The following GADL1 variants were observed in gnomAD, a reference collection of about 807,000 sequenced individuals.
The protein encoded by GADL1 is acidic amino acid decarboxylase GADL1.
GADL1 carries 71 observed loss-of-function variants against 69.5 expected under a neutral mutation model. That is an observed-to-expected ratio of 1.02 (90% CI 0.84 to 1.25). GADL1 has a LOEUF of 1.25. Ranked by LOEUF, GADL1 falls within the 50% of genes most tolerant of loss-of-function variation. The pLI is 0.00. For synonymous variants in GADL1, 254 were observed against 214.4 expected (o/e 1.18, Z -1.62); for missense variants, 737 against 631.8 (o/e 1.17, Z -1.79).
At chr3:30,865,972 G>A (rs563073299) in intron 1 of GADL1, among the ~76,000 whole-genome samples, 1 of 150,960 alleles carries the variant, frequency 6.6e-6, no homozygotes, top group East Asian at 2.0e-4. Context: ...TTTGTTCAGA[G>A]AGATACATTG....
At chr3:30,804,506 G>A (rs1169526616) in intron 11 of GADL1, among the ~76,000 whole-genome samples, 1 of 152,160 alleles carries the variant, frequency 6.6e-6, no homozygotes, top group Admixed American at 6.5e-5. Context: ...TTGCTAGTCA[G>A]TTTGGAAAGA....
intron 4 of GADL1, among the ~76,000 whole-genome samples, chr3:30,851,536 G>A (rs1212444761): frequency 2.0e-5 from 3 of 152,138 alleles, no homozygotes; most frequent in Non-Finnish European, 4.4e-5. Flanking sequence ...TGTTGCTCCG[G>A]GCTGGAACGC....
intron 12 of GADL1, among the ~76,000 whole-genome samples, chr3:30,794,563 T>C (rs957203213): frequency 1.3e-5 from 2 of 152,188 alleles, no homozygotes; most frequent in Admixed American, 1.3e-4. Flanking sequence ...AGGCTCTCAG[T>C]GTCACTGATT....
chr3:30,856,933 T>G, intron 3 of GADL1, 82 bp downstream of exon 3: 1 of 1,155,100 alleles, frequency 8.7e-7, no homozygotes, highest in African/African-American at 1.6e-5. Flanking sequence ...CCATAAGCAT[T>G]GCTATACTCA....
At chr3:30,870,270 T>C (rs909937129) in intron 1 of GADL1, among the ~76,000 whole-genome samples, 6 of 151,636 alleles carry the variant, frequency 4.0e-5, no homozygotes, top group African/African-American at 1.5e-4. Context: ...TTGGAAAAAA[T>C]GTTTCTGAAC....
At chr3:30,815,697 A>G (rs1323493333) in intron 11 of GADL1, among the ~76,000 whole-genome samples, 1 of 152,162 alleles carries the variant, frequency 6.6e-6, no homozygotes, top group Non-Finnish European at 1.5e-5. Context: ...CAGCATTACT[A>G]CTTCATTTTG....
intron 9 of GADL1, among the ~76,000 whole-genome samples, chr3:30,834,880 G>C (rs938557917): frequency 1.3e-5 from 2 of 152,100 alleles, no homozygotes; most frequent in Admixed American, 6.6e-5. Flanking sequence ...GGGGAGCTCA[G>C]ATAAAATCCC....
At chr3:30,770,252 C>G (rs1433007660) in intron 14 of GADL1, among the ~76,000 whole-genome samples, 3 of 152,192 alleles carry the variant, frequency 2.0e-5, no homozygotes, top group Non-Finnish European at 4.4e-5. Flanking sequence ...CAAATAAAAT[C>G]AGAGACACAG....
rs1204307116 is a variant in GADL1, at chr3:30,765,459, CAAT to C, written c.1392+12717_1392+12719del. ...TCATGCCTTATTTTGCTGAATGAAT[CAAT>C]AAATTATTTTCTATGCATCTACTAT... On this transcript the variant is annotated intron_variant, in intron 14 of 14. Transcript: ENST00000282538. Among the ~76,000 whole-genome samples the C allele has an allele frequency of 7.2e-5, 9 of 124,140 alleles. No individual in the cohort carries two copies. In the South Asian group the frequency reaches 1.7e-3, roughly 24 times the overall value. 81.4% of individuals were successfully genotyped at this position (124,140 alleles called of 152,430 possible).
At chr3:30,813,983 G>A (rs1196574134) in intron 11 of GADL1, among the ~76,000 whole-genome samples, 1 of 152,198 alleles carries the variant, frequency 6.6e-6, no homozygotes, top group Non-Finnish European at 1.5e-5. Context: ...GGCAGAAAGA[G>A]CCTGTGCATT....
chr3:30,851,203 G>T lies in GADL1; in HGVS notation c.429-262C>A, dbSNP rs184173439. Among the ~76,000 whole-genome samples, 4 of 152,296 alleles carry T rather than the reference G, an allele frequency of 2.6e-5. No individual in the cohort carries two copies. In the East Asian group the frequency reaches 7.7e-4, roughly 29 times the overall value. On this transcript the variant is annotated intron_variant, in intron 4 of 14. Coordinates refer to ENST00000282538, the MANE Select transcript of GADL1 (RefSeq NM_207359.3). ...GAGAAAAACCTCAATTCCGTGAGGA[G>T]CAATAAAGGCAATGCATTTGCGTGC...
chr3:30,877,270 A>G (rs949813643), intron 1 of GADL1, among the ~76,000 whole-genome samples: 1 of 151,914 alleles, frequency 6.6e-6, no homozygotes, highest in Admixed American at 6.6e-5. Context: ...CACCAGAAAG[A>G]TTGAACTAAC....
chr3:30,887,259 C>T (rs964109211), intron 1 of GADL1, among the ~76,000 whole-genome samples: 32 of 152,264 alleles, frequency 2.1e-4, no homozygotes, highest in Admixed American at 1.6e-3. Context: ...GTTTGAATGT[C>T]CCCTCCAAAA....
chr3:30,866,916 A>G (rs1575241074), intron 1 of GADL1, among the ~76,000 whole-genome samples: 1 of 152,178 alleles, frequency 6.6e-6, no homozygotes, highest in Middle Eastern at 3.4e-3. Context: ...GGCTGACTGT[A>G]TATTTACTTT....
intron 11 of GADL1, among the ~76,000 whole-genome samples, chr3:30,828,797 T>C (rs1282148453): frequency 6.6e-6 from 1 of 151,936 alleles, no homozygotes; most frequent in Non-Finnish European, 1.5e-5. Flanking sequence ...ACATATATAC[T>C]CTACTCTGCT....
intron 2 of GADL1, 69 bp from the exon 3 acceptor site, chr3:30,857,210 T>C: frequency 7.4e-7 from 1 of 1,353,916 alleles, no homozygotes; most frequent in Non-Finnish European, 1.0e-6. Flanking sequence ...GTTACAAACG[T>C]GGACTCTACC....
chr3:30,787,308 A>C (rs1029592658), intron 12 of GADL1, among the ~76,000 whole-genome samples: 11 of 152,178 alleles, frequency 7.2e-5, no homozygotes, highest in African/African-American at 2.4e-4. Context: ...ACCTAAGTAA[A>C]GGGCATAGAT....
chr3:30,894,267 C>A (rs900581430), intron 1 of GADL1, among the ~76,000 whole-genome samples: 1 of 152,210 alleles, frequency 6.6e-6, no homozygotes, highest in South Asian at 2.1e-4. Flanking sequence ...CAGGTACTTC[C>A]AATCTAACTA....
chr3:30,778,215 C>T lies in GADL1; in HGVS notation c.1356G>A (p.Met452Ile). ...TTGCCCAGAACTCGGGTCCTTCTTC[C>T]ATCTCTCTGAGGCTCGGTGGAATGT... ...FWYIPPSLRE[M>I]EEGPEFWAKL... is the part of the protein sequence containing the mutation. The change falls in exon 14 of 15, where the codon ATG becomes ATA. Residue 452 changes from methionine to isoleucine, a missense_variant. Transcript: ENST00000282538. 8 of 1,612,360 alleles carry T rather than the reference C, an allele frequency of 5.0e-6. No individual in the cohort carries two copies. The highest frequency in any genetic ancestry group is 6.8e-6 in the Non-Finnish European group (8 of 1,178,580).
Sources: gnomAD v4.1 joint callset for allele counts (sites outside exome capture counted in the v4.1 genomes callset) on GRCh38, gnomAD v4.1.1 for gene constraint, MANE v1.5 for transcripts, NCBI Gene and HGNC (gene_info 2026-07-23, HGNC 2026-07-21) for gene names.